Variants in ADGRF1 observed in about 807,000 individuals in gnomAD.
ADGRF1 encodes the protein adhesion G protein-coupled receptor F1.
ADGRF1 carries 85 observed loss-of-function variants against 87.2 expected under a neutral mutation model. That is an observed-to-expected ratio of 0.97 (90% CI 0.82 to 1.17). The LOEUF is 1.17. Ranked by LOEUF, ADGRF1 falls within the 50% of genes most tolerant of loss-of-function variation. The pLI is 0.00. For missense variants in ADGRF1, 1,169 were observed against 1,077.2 expected (o/e 1.09, Z -1.19); for synonymous variants, 430 against 408.8 (o/e 1.05, Z -0.63).
chr6:47,021,381 T>C (rs1425196159), intron 6 of ADGRF1, among the ~76,000 whole-genome samples: 2 of 152,146 alleles, frequency 1.3e-5, no homozygotes, highest in African/African-American at 4.8e-5. Flanking sequence ...TGTTTTTTGA[T>C]GTGGAGTCTC....
intron 4 of ADGRF1, among the ~76,000 whole-genome samples, chr6:47,025,642 T>C (rs1390514022): frequency 6.6e-6 from 1 of 152,156 alleles, no homozygotes; most frequent in Non-Finnish European, 1.5e-5. Context: ...ACATATGAGA[T>C]AGGGTCTGAT....
intron 5 of ADGRF1, 64 bp downstream of exon 5, chr6:47,023,980 G>A (rs772180072): frequency 1.4e-5 from 20 of 1,411,044 alleles, no homozygotes; most frequent in African/African-American, 2.8e-5. Flanking sequence ...ATGAGCAAGC[G>A]TCCCCTCTCT....
Position 47,009,022 on chromosome 6 carries a change from C to T in ADGRF1, c.2413G>A (p.Gly805Ser), listed in dbSNP as rs772488762. The change falls in exon 11 of 15, where the codon GGC (glycine) becomes AGC (serine). Residue 805 changes from glycine (G) to serine (S), a missense_variant. Transcript: ENST00000371253. Reference sequence around the variant, plus strand: ...TCCACTATTGTTCCTATTCCAAAGCCCCAGGTGAGCCCTAGCAGAGGGGTC... The same window carrying T: ...TCCACTATTGTTCCTATTCCAAAGCTCCAGGTGAGCCCTAGCAGAGGGGTC... ...ILTPLLGLTW[G>S]FGIGTIVDSQ... 6.2e-7 allele frequency: 1 copy of T among 1,613,980 alleles called. No homozygotes were observed. Among genetic ancestry groups the T allele is most frequent in the Non-Finnish European group, 8.5e-7 (1 of 1,179,976 alleles).
rs746818223 is a variant in ADGRF1 at position 47,011,989 on chromosome 6, A to C, written c.1116+18T>G. 3 of 1,605,404 alleles carry C rather than the reference A, an allele frequency of 1.9e-6. No homozygotes were observed. Among genetic ancestry groups the C allele is most frequent in the Non-Finnish European group, 1.7e-6 (2 of 1,172,814 alleles). On this transcript the variant is annotated intron_variant, in intron 10 of 14. Coordinates refer to ENST00000371253, the MANE Select transcript of ADGRF1 (RefSeq NM_153840.4). The stretch of plus-strand genomic sequence containing the variant: ...TCAAGCATTTAAAGTGAGCCCTTCA[A>C]GCACAGGCAGACCATACCTCCATTG...
chr6:47,020,501 T>C, intron 7 of ADGRF1: 1 of 1,285,174 alleles, frequency 7.8e-7, no homozygotes, highest in Non-Finnish European at 1.0e-6. Context: ...TGACATTCTG[T>C]CAAAAAAAAA....
In ADGRF1 at chr6:46,999,987, C is replaced by G. The variant is rs1371878243; in HGVS notation, c.*235G>C. 4.5e-6 allele frequency: 2 copies of G among 439,608 alleles called. No homozygotes were observed. The highest frequency in any genetic ancestry group is 7.4e-5 in the Admixed American group (2 of 27,196). 27.2% of individuals were successfully genotyped at this position (439,608 alleles called of 1,614,324 possible). ...GACACGATTTCCAACAAAACCTACT[C>G]TTCTGCATTTATGGAGCACTTTCTT... On this transcript the variant is annotated 3_prime_UTR_variant, in exon 15 of 15. Transcript: ENST00000371253.
chr6:47,038,925 G>A (rs1338732638), intron 1 of ADGRF1, among the ~76,000 whole-genome samples: 5 of 152,128 alleles, frequency 3.3e-5, no homozygotes, highest in Non-Finnish European at 7.4e-5. Flanking sequence ...AAGTAGAGTC[G>A]GGCTGCATGC....
At position 47,023,124 on chromosome 6, in the gene ADGRF1, T is replaced by C. The variant is rs375324140; in HGVS notation, c.451+920A>G. ...GCCACTGTGCCCATCTTTCAAAACA[T>C]AGGCTTTCATCAACATTCATTGAAG... is the stretch of plus-strand genomic sequence containing the variant. On this transcript the variant is annotated intron_variant, in intron 5 of 14. Coordinates refer to ENST00000371253, the MANE Select transcript of ADGRF1 (RefSeq NM_153840.4). 3.4e-3 allele frequency among the ~76,000 whole-genome samples: 519 copies of C among 152,310 alleles called. 7 individuals carry two copies. The highest frequency in any genetic ancestry group is 0.024 in the South Asian group (118 of 4,826).
In ADGRF1 at chr6:47,028,979, T is replaced by A. The variant is rs1780329438; in HGVS notation, c.69+14A>T. ...GTTAGTTGAGAAGAGATATGAGACA[T>A]AGCACCAACTCACCCCCAGGAAGCC... is the stretch of plus-strand genomic sequence containing the variant. On this transcript the variant is annotated intron_variant, in intron 2 of 14. Transcript: ENST00000371253. The A allele has an allele frequency of 6.2e-7, 1 of 1,608,568 alleles. No individual in the cohort carries two copies. Among genetic ancestry groups the A allele is most frequent in the African/African-American group, 1.3e-5 (1 of 74,718 alleles).
intron 1 of ADGRF1, 38 bp downstream of exon 1, chr6:47,042,153 C>T (rs1780757525): frequency 6.6e-6 from 1 of 152,054 alleles, no homozygotes; most frequent in South Asian, 2.1e-4. Context: ...CATCGTAATA[C>T]ACGTTCTTAG....
rs114520078 is a variant in ADGRF1 at position 47,012,562 on chromosome 6, C to T, written c.928-367G>A. Reference sequence around the variant, plus strand: ...AAATCATTTTCATATAAATTATTATCTTAATTATACAGAAACTCATGTTCA... The same window carrying T: ...AAATCATTTTCATATAAATTATTATTTTAATTATACAGAAACTCATGTTCA... On this transcript the variant is annotated intron_variant, in intron 9 of 14. Transcript: ENST00000371253. 1.5e-3 allele frequency: 1,079 copies of T among 731,024 alleles called. 1 individual carries two copies. The highest frequency in any genetic ancestry group is 1.8e-3 in the Non-Finnish European group (1,040 of 592,742). The allele number at this position is 731,024 out of a possible 1,614,324, so 45.3% of individuals were successfully genotyped here. A position where few individuals can be genotyped will look rare whatever the true frequency, so the allele number is the denominator to read the frequency against.
chr6:47,009,723 A>G lies in ADGRF1; in HGVS notation c.1712T>C (p.Ile571Thr). 1 of 1,614,212 alleles carries G rather than the reference A, an allele frequency of 6.2e-7. No homozygotes were observed. Among genetic ancestry groups the G allele is most frequent in the Non-Finnish European group, 8.5e-7 (1 of 1,180,016 alleles). ...CQCTHLTSFS[I>T]LMSPFVPSTI... ...AGAGGGGACAAAAGGTGACATCAATATGGAGAAGGAGGTCAAGTGAGTACA... is the reference window on the plus strand; with the variant it reads ...AGAGGGGACAAAAGGTGACATCAATGTGGAGAAGGAGGTCAAGTGAGTACA... The change falls in exon 11 of 15, where the codon ATA becomes ACA. Residue 571 changes from isoleucine to threonine, a missense_variant. Coordinates refer to ENST00000371253, the MANE Select transcript of ADGRF1 (RefSeq NM_153840.4).
At chr6:47,023,655 T>C (rs1317532142) in intron 5 of ADGRF1, among the ~76,000 whole-genome samples, 1 of 152,224 alleles carries the variant, frequency 6.6e-6, no homozygotes, top group Non-Finnish European at 1.5e-5. Context: ...CCTCCCTGCA[T>C]TCATATCTCT....
chr6:47,038,809 T>A (rs1254995542), intron 1 of ADGRF1, among the ~76,000 whole-genome samples: 1 of 152,240 alleles, frequency 6.6e-6, no homozygotes, highest in South Asian at 2.1e-4. Flanking sequence ...TGATACCTTG[T>A]TCAACAACGT....
intron 9 of ADGRF1, chr6:47,012,523 C>T: frequency 1.6e-6 from 1 of 627,282 alleles, no homozygotes; most frequent in Non-Finnish European, 2.0e-6. Flanking sequence ...CTGAAACTTG[C>T]AAAGATTTAC....
In ADGRF1 at chr6:47,025,938, A is replaced by C; in HGVS notation, c.193T>G (p.Leu65Val). The C allele has an allele frequency of 6.2e-7, 1 of 1,612,020 alleles. No homozygotes were observed. Among genetic ancestry groups the C allele is most frequent in the Non-Finnish European group, 8.5e-7 (1 of 1,179,408 alleles). ...TTCAAGAGCTTCAGAAAATTTCTCA[A>C]ATCTCTTTTCTCCTTGGAATCTCTA... ...TYRDSKEKRDLRNFLKLLKPP... is the reference protein window; with the variant it reads ...TYRDSKEKRDVRNFLKLLKPP... The change falls in exon 4 of 15, where the codon TTG becomes GTG. Residue 65 changes from leucine (L) to valine (V), a missense_variant. Physicochemically the swap from Leu to Val is conservative, Grantham distance 32 (BLOSUM62 1). Coordinates refer to ENST00000371253, the MANE Select transcript of ADGRF1 (RefSeq NM_153840.4).
intron 1 of ADGRF1, among the ~76,000 whole-genome samples, chr6:47,038,487 T>A (rs1320860134): frequency 6.6e-6 from 1 of 152,210 alleles, no homozygotes; most frequent in Non-Finnish European, 1.5e-5. Flanking sequence ...ATTGTACACA[T>A]TTATAGAGTA....
At chr6:47,035,996 G>A (rs895841749) in intron 1 of ADGRF1, among the ~76,000 whole-genome samples, 15 of 152,238 alleles carry the variant, frequency 9.9e-5, no homozygotes, top group African/African-American at 2.2e-4. Flanking sequence ...TTTGGGAAGC[G>A]GAGGCTGGTG....
chr6:47,019,419 C>T (rs940988827), intron 7 of ADGRF1: 5 of 971,728 alleles, frequency 5.1e-6, no homozygotes, highest in Non-Finnish European at 6.1e-6. Flanking sequence ...TGCAGAGGCT[C>T]ACACCTGTAA....
Sources: allele counts gnomAD v4.1 joint callset (sites outside exome capture counted in the v4.1 genomes callset), GRCh38; gene constraint gnomAD v4.1.1; transcripts MANE v1.5; gene names NCBI Gene and HGNC (gene_info 2026-07-23, HGNC 2026-07-21).